RC3H2: variants seen among roughly 807,000 people sequenced by gnomAD.
RC3H2 encodes the protein ring finger and CCCH-type domains 2.
A neutral mutation model predicts 133.3 loss-of-function variants in RC3H2; 31 were observed. The ratio of observed to expected loss-of-function variants is 0.23; its 90% CI spans 0.17 to 0.31. RC3H2 has a LOEUF of 0.31. RC3H2 is among the 10% of genes least tolerant of loss of function. The pLI, the probability that RC3H2 is intolerant of heterozygous loss-of-function variation, is 1.00. For synonymous variants in RC3H2, 517 were observed against 502.2 expected, an observed-to-expected ratio of 1.03 and a Z score of -0.40; for missense variants, 1,175 against 1,437.2, an observed-to-expected ratio of 0.82 and a Z score of 2.95.
rs146851584 is a variant in RC3H2, at chr9:122,879,085, C to T, written c.1212+670G>A. Among the ~76,000 whole-genome samples, 750 of 149,950 alleles carry T rather than the reference C, an allele frequency of 5.0e-3. 6 individuals are homozygous for T. Among genetic ancestry groups the T allele is most frequent in the African/African-American group, 0.017 (712 of 41,102 alleles). ...TTTATATCTTAACTTCTAAAGTACA[C>T]TGAAAAGTATCTTGAAAATTCAAAT... On this transcript the variant is annotated intron_variant, in intron 8 of 20. Coordinates refer to ENST00000357244, the MANE Select transcript of RC3H2 (RefSeq NM_001100588.3).
intron 20 of RC3H2, 62 bp downstream of exon 20, chr9:122,851,019 C>G: frequency 4.5e-6 from 7 of 1,571,128 alleles, no homozygotes; most frequent in Non-Finnish European, 5.2e-6. Context: ...ATTAATTTCG[C>G]ATTTTTTTCT....
rs1171736025 is a variant in RC3H2, at chr9:122,885,868, TTTTGTTTTGTTTTGTTTTG to T, written c.584-2508_584-2490del. On this transcript the variant is annotated intron_variant, in intron 4 of 20. Transcript: ENST00000357244. ...TCTGGTTTCTTTCATTTAACGTGTTTTTTGTTTTGTTTTGTTTTGTTTGTTTTGTTTTGTTTTGAGACAA... is the reference window on the plus strand; with the variant it reads ...TCTGGTTTCTTTCATTTAACGTGTTTTTTGTTTTGTTTTGTTTTGAGACAA... Among the ~76,000 whole-genome samples the T allele has an allele frequency of 8.7e-5, 13 of 149,170 alleles. No homozygotes were observed. The East Asian group carries it at 1.2e-3, about 13-fold the overall frequency.
intron 2 of RC3H2, among the ~76,000 whole-genome samples, chr9:122,895,649 ATT>A (rs1472537734): frequency 6.6e-6 from 1 of 152,222 alleles, no homozygotes; most frequent in East Asian, 1.9e-4. Flanking sequence ...CTGAAAAGAG[ATT>A]TTGTGCTTTA....
In RC3H2 at chr9:122,877,590, A is replaced by G; in HGVS notation, c.1213-7T>C. Reference sequence around the variant, plus strand: ...ATTTGCTGTTTGGCTGAGGCTACAAAAATGGGAACACATTCAATGAGTGGC... The same window carrying G: ...ATTTGCTGTTTGGCTGAGGCTACAAGAATGGGAACACATTCAATGAGTGGC... On this transcript the variant is annotated splice_polypyrimidine_tract_variant and splice_region_variant and intron_variant, in intron 8 of 20. Coordinates refer to ENST00000357244, the MANE Select transcript of RC3H2 (RefSeq NM_001100588.3). 1 of 1,610,478 alleles carries G rather than the reference A, an allele frequency of 6.2e-7. No individual in the cohort carries two copies. Among genetic ancestry groups the G allele is most frequent in the South Asian group, 1.1e-5 (1 of 90,978 alleles).
intron 10 of RC3H2, among the ~76,000 whole-genome samples, chr9:122,861,489 TCA>T (rs1830454696): frequency 1.5e-5 from 1 of 68,782 alleles, no homozygotes; most frequent in African/African-American, 6.5e-5. Context: ...AAACTCCGTC[TCA>T]AAAAAAAAAA....
chr9:122,858,623 G>A (rs1830338092), intron 12 of RC3H2, 46 bp downstream of exon 12: 1 of 1,526,340 alleles, frequency 6.6e-7, no homozygotes, highest in Non-Finnish European at 8.9e-7. Context: ...TTTGACTCCA[G>A]ACACTGGGCT....
chr9:122,873,772 T>C (rs1343138358), intron 9 of RC3H2: 1 of 152,118 alleles, frequency 6.6e-6, no homozygotes, highest in African/African-American at 2.4e-5. Context: ...AAATAAACAA[T>C]TATAATACTG....
rs112613733 is a variant in RC3H2, at chr9:122,847,634, G to A, written c.*1993C>T. 1.6e-5 allele frequency: 1 copy of A among 63,390 alleles called. No individual in the cohort carries two copies. Among genetic ancestry groups the A allele is most frequent in the African/African-American group, 6.4e-5 (1 of 15,582 alleles). 3.9% of individuals were successfully genotyped at this position (63,390 alleles called of 1,614,324 possible). On this transcript the variant is annotated 3_prime_UTR_variant, in exon 21 of 21. Transcript: ENST00000357244. Reference sequence around the variant, plus strand: ...CAATCATGTTCCTGTAATATTCTAGGCTAATTTATAATGTCAGAAAAGTTA... The same window carrying A: ...CAATCATGTTCCTGTAATATTCTAGACTAATTTATAATGTCAGAAAAGTTA...
chr9:122,869,560 ATTTTT>A (rs10560103), intron 9 of RC3H2, among the ~76,000 whole-genome samples: 7 of 104,506 alleles, frequency 6.7e-5, no homozygotes, highest in East Asian at 2.5e-4. Flanking sequence ...AGTTTACACG[ATTTTT>A]TTTTTTTTTT....
At chr9:122,877,322 C>G in intron 9 of RC3H2, 149 bp downstream of exon 9, 1 of 615,476 alleles carries the variant, frequency 1.6e-6, no homozygotes, top group Non-Finnish European at 2.8e-6. Flanking sequence ...TGCCTCAGCC[C>G]CGCAAACTGC....
In RC3H2 at chr9:122,880,788, T is replaced by C; in HGVS notation, c.766A>G (p.Lys256Glu). The change falls in exon 6 of 21, where the codon AAA becomes GAA. Residue 256 changes from lysine (K) to glutamate (E), a missense_variant. Lys to Glu is a moderately conservative substitution (Grantham distance 56). This residue lies in a region of RC3H2 where 121 missense variants were observed against 243.5 expected (regional missense o/e 0.50). Coordinates refer to ENST00000357244, the MANE Select transcript of RC3H2 (RefSeq NM_001100588.3). ...ATTAGGGAAGAGTCTTCATCTCTTT[T>C]GGTAACCTAAAAAATAGAAAAGAGA... Reference protein sequence around the residue: ...LYRASCFKVTKRDEDSSLMQL... With the variant: ...LYRASCFKVTERDEDSSLMQL... The C allele has an allele frequency of 6.2e-7, 1 of 1,612,694 alleles. No homozygotes were observed. The highest frequency in any genetic ancestry group is 8.5e-7 in the Non-Finnish European group (1 of 1,178,696).
intron 1 of RC3H2, among the ~76,000 whole-genome samples, chr9:122,898,549 A>AC (rs1832518724): frequency 6.6e-6 from 1 of 152,148 alleles, no homozygotes; most frequent in Non-Finnish European, 1.5e-5. Context: ...CAGGAGCTTG[A>AC]GAACAGCCTG....
intron 2 of RC3H2, among the ~76,000 whole-genome samples, chr9:122,897,024 TAAAAAAAAA>T (rs139505008): frequency 6.2e-4 from 23 of 37,058 alleles, no homozygotes; most frequent in Non-Finnish European, 9.6e-4. Flanking sequence ...AGACTCTGTC[TAAAAAAAAA>T]AAAAAAAAAA....
Position 122,865,517 on chromosome 9 carries a change from AT to A in RC3H2, c.1465del (p.Ile489LeufsTer18). The stretch of plus-strand genomic sequence containing the variant: ...TGAAATTCCGTTTGTACTTGGAACA[AT>A]TTTCCCTGTTGTTTCAGTACTTCCT... ...VIGSTETTGK[I>X]VPSTNGISNA... On this transcript the variant is annotated frameshift_variant, in exon 10 of 21. Coordinates refer to ENST00000357244, the MANE Select transcript of RC3H2 (RefSeq NM_001100588.3). LOFTEE classifies it high-confidence loss of function. 6.2e-7 allele frequency: 1 copy of A among 1,614,082 alleles called. No homozygotes were observed. Among genetic ancestry groups the A allele is most frequent in the Admixed American group, 1.7e-5 (1 of 60,008 alleles).
In RC3H2 at chr9:122,905,092, T is replaced by C. The variant is rs1370501700; in HGVS notation, c.-68+18A>G. 8 of 985,226 alleles carry C rather than the reference T, an allele frequency of 8.1e-6. No individual in the cohort carries two copies. The highest frequency in any genetic ancestry group is 8.4e-6 in the Non-Finnish European group (7 of 829,882). The allele number at this position is 985,226 out of a possible 1,614,324, so 61.0% of individuals were successfully genotyped here. On this transcript the variant is annotated intron_variant, in intron 1 of 20. Coordinates refer to ENST00000357244, the MANE Select transcript of RC3H2 (RefSeq NM_001100588.3). ...CCGGGCTGGGGCCCGAGCCGCATCG[T>C]GCCCGCCCCCGCCCTACCTGAGGGG... is the stretch of plus-strand genomic sequence containing the variant.
chr9:122,876,323 T>C (rs1306697379), intron 9 of RC3H2, among the ~76,000 whole-genome samples: 1 of 152,092 alleles, frequency 6.6e-6, no homozygotes, highest in African/African-American at 2.4e-5. Context: ...AAAATGAATA[T>C]GCCCACAAAG....
chr9:122,899,552 A>G (rs1832574968), intron 1 of RC3H2, among the ~76,000 whole-genome samples: 1 of 152,234 alleles, frequency 6.6e-6, no homozygotes. Context: ...CTTCCAAGTT[A>G]TAATTTTACA....
At chr9:122,901,586 CTTTTTT>C (rs11309716) in intron 1 of RC3H2, among the ~76,000 whole-genome samples, 1 of 120,016 alleles carries the variant, frequency 8.3e-6, no homozygotes, top group African/African-American at 3.3e-5. Flanking sequence ...CCAATGCATT[CTTTTTT>C]TTTTTTTTTT....
rs1405708111 is a variant in RC3H2, at chr9:122,865,593, C to A, written c.1390G>T (p.Gly464Cys). 1.9e-6 allele frequency: 3 copies of A among 1,614,046 alleles called. No homozygotes were observed. The highest frequency in any genetic ancestry group is 2.2e-5 in the South Asian group (2 of 91,072). The stretch of plus-strand genomic sequence containing the variant: ...GTGGTTGTGACAGTGTTGTTTACAC[C>A]AACTTTATTTAGAAGAGGAAACGTT... ...VRTFPLLNKV[G>C]VNNTVTTTAG... Residue 464 changes from glycine (G) to cysteine (C), a missense_variant, in exon 10 of 21, where the codon GGT becomes TGT. Around this residue, in one of 8 missense-constraint regions of RC3H2, gnomAD observed 490 missense variants for 492.8 expected, o/e 0.99. Coordinates refer to ENST00000357244, the MANE Select transcript of RC3H2 (RefSeq NM_001100588.3).
Sources: gnomAD v4.1 joint callset for allele counts (sites outside exome capture counted in the v4.1 genomes callset) on GRCh38, gnomAD v4.1.1 for gene constraint, gnomAD v4.1.1 regional missense constraint, MANE v1.5 for transcripts, NCBI Gene and HGNC (gene_info 2026-07-23, HGNC 2026-07-21) for gene names.